The following RAB27B variants were observed in gnomAD, a reference collection of about 807,000 sequenced individuals.
The protein encoded by RAB27B is RAB27B, member RAS oncogene family.
A neutral mutation model predicts 24.6 loss-of-function variants in RAB27B; 15 were observed. That is an observed-to-expected ratio of 0.61 (90% confidence interval 0.41 to 0.94). RAB27B has a LOEUF of 0.94. Ranked by LOEUF, RAB27B falls within the 40% of genes least tolerant of loss-of-function variation. The pLI is 0.00. For missense variants in RAB27B, 261 were observed against 266.8 expected (o/e 0.98, Z 0.15); for synonymous variants, 105 against 92.5 (o/e 1.14, Z -0.78).
At chr18:54,790,670 A>C (rs1473833610) in intron 2 of RAB27B, among the ~76,000 whole-genome samples, 1 of 152,156 alleles carries the variant, frequency 6.6e-6, no homozygotes, top group African/African-American at 2.4e-5. Flanking sequence ...TCAATATGCT[A>C]TTTCCAAAAT....
At chr18:54,863,102 G>A (rs1158960118) in intron 1 of RAB27B, among the ~76,000 whole-genome samples, 6 of 152,130 alleles carry the variant, frequency 3.9e-5, no homozygotes, top group African/African-American at 1.4e-4. Context: ...TTAATCATTA[G>A]TATTTAGTGC....
At chr18:54,843,960 G>A (rs1911218140) in intron 1 of RAB27B, among the ~76,000 whole-genome samples, 1 of 152,120 alleles carries the variant, frequency 6.6e-6, no homozygotes, top group Non-Finnish European at 1.5e-5. Flanking sequence ...AGGACAGGAA[G>A]GATAAGAACC....
chr18:54,861,752 T>G (rs1302111214), intron 1 of RAB27B, among the ~76,000 whole-genome samples: 3 of 152,162 alleles, frequency 2.0e-5, no homozygotes, highest in Non-Finnish European at 4.4e-5. Context: ...CTTAAATTGG[T>G]GTATGGCCTG....
chr18:54,888,637 C>T (rs1913242903), intron 5 of RAB27B, among the ~76,000 whole-genome samples: 2 of 151,682 alleles, frequency 1.3e-5, no homozygotes, highest in Non-Finnish European at 2.9e-5. Flanking sequence ...ACAGAAACAA[C>T]ACCCCATGTA....
intron 2 of RAB27B, among the ~76,000 whole-genome samples, chr18:54,804,025 G>A (rs1390565486): frequency 6.6e-6 from 1 of 152,152 alleles, no homozygotes; most frequent in Non-Finnish European, 1.5e-5. Context: ...TTCTTGATTG[G>A]TGTCTTATGG....
rs1449752869 is a variant in RAB27B at position 54,879,458 on chromosome 18, ATAG to A, written c.239+7_239+9del. 6.2e-7 allele frequency: 1 copy of A among 1,606,122 alleles called. No homozygotes were observed. The highest frequency in any genetic ancestry group is 8.5e-7 in the Non-Finnish European group (1 of 1,172,854). On this transcript the variant is annotated splice_donor_5th_base_variant and intron_variant, in intron 3 of 5. Coordinates refer to ENST00000262094, the MANE Select transcript of RAB27B (RefSeq NM_004163.4). ...GGGACACTGCGGGACAAGAGCGGTA[ATAG>A]TAAATTGCTTTATTTGTGGCTACAC...
chr18:54,856,980 A>G (rs1911808611), intron 1 of RAB27B, among the ~76,000 whole-genome samples: 1 of 152,196 alleles, frequency 6.6e-6, no homozygotes, highest in African/African-American at 2.4e-5. Flanking sequence ...TTTTTAAACT[A>G]CTGTACATGC....
At position 54,893,054 on chromosome 18, in the gene RAB27B, G is replaced by A. The variant is rs967016521; in HGVS notation, c.*3641G>A. 6.6e-6 allele frequency: 1 copy of A among 152,060 alleles called. No homozygotes were observed. The highest frequency in any genetic ancestry group is 2.4e-5 in the African/African-American group (1 of 41,440). 9.4% of individuals were successfully genotyped at this position (152,060 alleles called of 1,614,324 possible). On this transcript the variant is annotated 3_prime_UTR_variant, in exon 6 of 6. Transcript: ENST00000262094. ...GAAGCCTGTCTGTCTCTTCACCAGT[G>A]GAGTGAGTGCAGCAGTTAGAAAGAG...
At chr18:54,759,998 G>A (rs948480937) in intron 2 of RAB27B, among the ~76,000 whole-genome samples, 28 of 152,094 alleles carry the variant, frequency 1.8e-4, no homozygotes, top group African/African-American at 7.2e-5. Context: ...ACAAGAGCTC[G>A]GGATACAGAG....
chr18:54,771,590 TAGTGTGTGTGTG>T (rs1468440058), intron 2 of RAB27B, among the ~76,000 whole-genome samples: 1 of 110,008 alleles, frequency 9.1e-6, no homozygotes, highest in East Asian at 2.8e-4. Flanking sequence ...GCTGATAGTT[TAGTGTGTGTGTG>T]TGTGTGTGTG....
intron 2 of RAB27B, among the ~76,000 whole-genome samples, chr18:54,766,935 G>T (rs1004729222): frequency 2.0e-5 from 3 of 152,130 alleles, no homozygotes; most frequent in African/African-American, 7.2e-5. Context: ...ATTATGACTG[G>T]TTCAGTTTTG....
intron 2 of RAB27B, among the ~76,000 whole-genome samples, chr18:54,761,785 G>C (rs1908197988): frequency 6.6e-6 from 1 of 152,176 alleles, no homozygotes; most frequent in Admixed American, 6.6e-5. Context: ...ATGGATTGTT[G>C]ATATCTGAAT....
chr18:54,751,444 A>T (rs73959277), intron 2 of RAB27B, among the ~76,000 whole-genome samples: 9,872 of 152,222 alleles, frequency 0.065, 411 homozygotes, highest in African/African-American at 0.095. Context: ...GTCCCTGTGT[A>T]ACCTTGGAGG....
chr18:54,878,456 C>A (rs912845627), intron 2 of RAB27B, among the ~76,000 whole-genome samples: 1 of 152,114 alleles, frequency 6.6e-6, no homozygotes, highest in African/African-American at 2.4e-5. Flanking sequence ...CTACTCATTC[C>A]CTGAGAATTG....
At chr18:54,730,747 C>A (rs1909704475) in intron 2 of RAB27B, among the ~76,000 whole-genome samples, 1 of 152,150 alleles carries the variant, frequency 6.6e-6, no homozygotes. Context: ...GTAAAAGCTT[C>A]CTGAGGCCTC....
At chr18:54,765,105 CA>C (rs374966011) in intron 2 of RAB27B, among the ~76,000 whole-genome samples, 3 of 151,540 alleles carry the variant, frequency 2.0e-5, no homozygotes, top group Admixed American at 1.3e-4. Flanking sequence ...AACAAACAAG[CA>C]AAAAAAACCA....
chr18:54,887,227 G>A (rs1202280942), intron 4 of RAB27B, among the ~76,000 whole-genome samples: 1 of 151,604 alleles, frequency 6.6e-6, no homozygotes, highest in African/African-American at 2.4e-5. Flanking sequence ...GTTAGAGAAA[G>A]GAAAGGTAAC....
At chr18:54,801,359 C>T (rs1327553552) in intron 2 of RAB27B, among the ~76,000 whole-genome samples, 3 of 152,032 alleles carry the variant, frequency 2.0e-5, no homozygotes, top group South Asian at 2.1e-4. Flanking sequence ...TAAAATTCAT[C>T]TTCAACATTT....
intron 2 of RAB27B, among the ~76,000 whole-genome samples, chr18:54,809,303 A>G (rs1280646224): frequency 6.6e-6 from 1 of 152,146 alleles, no homozygotes. Context: ...CAGTTTGTCG[A>G]TCTGGTTGCT....
Sources: allele counts gnomAD v4.1 joint callset (sites outside exome capture counted in the v4.1 genomes callset), GRCh38; gene constraint gnomAD v4.1.1; transcripts MANE v1.5; gene names NCBI Gene and HGNC (gene_info 2026-07-23, HGNC 2026-07-21).